Variants in CA2 observed in about 807,000 individuals in gnomAD.
CA2 encodes carbonate dehydratase II.
Under a neutral mutation model 27.8 loss-of-function variants are expected in CA2, and 23 were observed. The ratio of observed to expected loss-of-function variants is 0.83; its 90% CI spans 0.59 to 1.17. The LOEUF (loss-of-function observed/expected upper bound fraction) is 1.17. CA2 is among the 50% of genes most tolerant of loss of function. CA2 has a pLI of 0.00. For missense variants in CA2, 300 were observed against 314.7 expected (o/e 0.95, Z 0.35); for synonymous variants, 99 against 114.9 (o/e 0.86, Z 0.88).
intron 2 of CA2, among the ~76,000 whole-genome samples, chr8:85,471,402 G>A (rs1308411844): frequency 6.8e-6 from 1 of 148,096 alleles, no homozygotes; most frequent in Non-Finnish European, 1.5e-5. Context: ...TTTTTTTAGT[G>A]TTAGCTGTTA....
chr8:85,465,546 T>A, intron 2 of CA2, 77 bp downstream of exon 2: 1 of 1,141,870 alleles, frequency 8.8e-7, no homozygotes, highest in Non-Finnish European at 1.3e-6. Context: ...CCAGGAACAG[T>A]GGCAGGAACC....
chr8:85,480,629 T>C, intron 6 of CA2, 41 bp from the exon 7 acceptor site: 1 of 1,584,940 alleles, frequency 6.3e-7, no homozygotes, highest in Non-Finnish European at 8.7e-7. Flanking sequence ...CTGAATACCA[T>C]TGTGAAACAT....
At chr8:85,465,149 A>C (rs1811607045) in intron 1 of CA2, 123 bp from the exon 2 acceptor site, 3 of 743,688 alleles carry the variant, frequency 4.0e-6, no homozygotes, top group Non-Finnish European at 6.9e-6. Flanking sequence ...AATTTAGCCC[A>C]TTGTTAAGTG....
chr8:85,475,993 A>G (rs1811793770), intron 5 of CA2, 133 bp downstream of exon 5: 1 of 728,396 alleles, frequency 1.4e-6, no homozygotes, highest in Non-Finnish European at 2.5e-6. Context: ...GTAAAGGTAG[A>G]ATATTACTTA....
At chr8:85,475,054 T>C (rs1422608790) in intron 4 of CA2, among the ~76,000 whole-genome samples, 1 of 151,980 alleles carries the variant, frequency 6.6e-6, no homozygotes, top group Non-Finnish European at 1.5e-5. Context: ...AAGCCTGTAA[T>C]CCCAGCACCT....
chr8:85,476,578 A>G (rs1468527581), intron 5 of CA2, among the ~76,000 whole-genome samples: 1 of 152,188 alleles, frequency 6.6e-6, no homozygotes, highest in Non-Finnish European at 1.5e-5. Context: ...CAAACTAATT[A>G]TCTTTAGTTT....
chr8:85,480,763 A>T lies in CA2; in HGVS notation c.757A>T (p.Arg253Trp). ...GCGCCCAGCTCAGCCACTGAAGAAC[A>T]GGCAAATCAAAGCTTCCTTCAAATA... is the stretch of plus-strand genomic sequence containing the variant. The part of the protein sequence containing the change: ...NWRPAQPLKN[R>W]QIKASFK Residue 253 changes from arginine to tryptophan, a missense_variant, in exon 7 of 7, where the codon AGG (arginine) becomes TGG (tryptophan). Arg to Trp is a moderately radical substitution (Grantham distance 101). Coordinates refer to ENST00000285379, the MANE Select transcript of CA2 (RefSeq NM_000067.3). 1 of 1,613,904 alleles carries T rather than the reference A, an allele frequency of 6.2e-7. No individual in the cohort carries two copies. Among genetic ancestry groups the T allele is most frequent in the East Asian group, 2.2e-5 (1 of 44,874 alleles).
Position 85,464,019 on chromosome 8 carries a change from C to T in CA2, c.-63C>T. The T allele has an allele frequency of 6.6e-7, 1 of 1,511,836 alleles. No individual in the cohort carries two copies. Among genetic ancestry groups the T allele is most frequent in the South Asian group, 1.2e-5 (1 of 83,254 alleles). The allele number at this position is 1,511,836 out of a possible 1,614,324, so 93.7% of individuals were successfully genotyped here. On this transcript the variant is annotated 5_prime_UTR_variant, in exon 1 of 7. Coordinates refer to ENST00000285379, the MANE Select transcript of CA2 (RefSeq NM_000067.3). The stretch of plus-strand genomic sequence containing the variant: ...GCGACCCGCGGACACACAGTGCAGG[C>T]GCCCAAGCCGCCGCCGCCAGATCGG...
At chr8:85,467,816 A>G (rs1287577325) in intron 2 of CA2, among the ~76,000 whole-genome samples, 2 of 152,210 alleles carry the variant, frequency 1.3e-5, no homozygotes, top group Non-Finnish European at 2.9e-5. Context: ...ACATTTTTAA[A>G]GAAGTTGGCC....
chr8:85,474,785 A>G, intron 4 of CA2, among the ~76,000 whole-genome samples: 1 of 152,234 alleles, frequency 6.6e-6, no homozygotes, highest in East Asian at 1.9e-4. Flanking sequence ...TTCAGGCAAC[A>G]GTGGGACAGA....
At chr8:85,476,943 T>C (rs1811810087) in intron 5 of CA2, among the ~76,000 whole-genome samples, 177 bp from the exon 6 acceptor site, 2 of 152,168 alleles carry the variant, frequency 1.3e-5, no homozygotes, top group South Asian at 2.1e-4. Context: ...TATTTTCAAG[T>C]TGAATGTCTT....
At chr8:85,478,446 G>T (rs1811839509) in intron 6 of CA2, among the ~76,000 whole-genome samples, 1 of 152,150 alleles carries the variant, frequency 6.6e-6, no homozygotes, top group East Asian at 1.9e-4. Context: ...TCTTTTTGTA[G>T]ATGCAGTGTT....
intron 2 of CA2, among the ~76,000 whole-genome samples, chr8:85,468,799 C>CAT (rs1178328769): frequency 5.3e-5 from 8 of 150,668 alleles, no homozygotes; most frequent in African/African-American, 1.7e-4. Flanking sequence ...CACACACACA[C>CAT]AAAACCATGT....
rs947357194 is a variant in CA2, at chr8:85,464,237, G to A, written c.34+122G>A. On this transcript the variant is annotated intron_variant, in intron 1 of 6. Transcript: ENST00000285379. The stretch of plus-strand genomic sequence containing the variant: ...CGCACATGCTGTTTACCGCGGCCGC[G>A]GGGAGTGCTGGAGGCTCAGGTGCGC... 9 of 919,360 alleles carry A rather than the reference G, an allele frequency of 9.8e-6. No individual in the cohort carries two copies. The African/African-American group carries it at 1.1e-4, about 11-fold the overall frequency. The allele number at this position is 919,360 out of a possible 1,614,324, so 57.0% of individuals were successfully genotyped here.
intron 5 of CA2, 24 bp from the exon 6 acceptor site, chr8:85,477,096 A>G: frequency 6.2e-7 from 1 of 1,613,508 alleles, no homozygotes; most frequent in Non-Finnish European, 8.5e-7. Flanking sequence ...GATAGTTTGA[A>G]GCTGCGTATT....
At position 85,464,091 on chromosome 8, in the gene CA2, C is replaced by G. The variant is rs1241095682; in HGVS notation, c.10C>G (p.His4Asp). The G allele has an allele frequency of 1.9e-6, 3 of 1,548,946 alleles. No individual in the cohort carries two copies. The highest frequency in any genetic ancestry group is 2.6e-6 in the Non-Finnish European group (3 of 1,149,636). ...GACCGCCAGCGCGACCATGTCCCAT[C>G]ACTGGGGGTACGGCAAACACAACGG... MSH[H>D]WGYGKHNGPE... The change falls in exon 1 of 7, where the codon CAC becomes GAC. Residue 4 changes from histidine to aspartate, a missense_variant. By Grantham distance (81) the His-to-Asp change is moderately conservative. This residue lies in a region of CA2 where 122 missense variants were observed against 133.2 expected (regional missense o/e 0.92). Coordinates refer to ENST00000285379, the MANE Select transcript of CA2 (RefSeq NM_000067.3).
chr8:85,465,289 A>C lies in CA2; in HGVS notation c.52A>C (p.Lys18Gln), dbSNP rs118203931. 2.4e-4 allele frequency: 391 copies of C among 1,614,032 alleles called. 7 individuals carry two copies. The South Asian group carries it at 4.1e-3, about 17-fold the overall frequency. Residue 18 changes from lysine to glutamine, a missense_variant, in exon 2 of 7, where the codon AAG becomes CAG. Lys to Gln is a moderately conservative substitution (Grantham distance 53). Transcript: ENST00000285379. ...TCCCCCAGGACCTGAGCACTGGCAT[A>C]AGGACTTCCCCATTGCCAAGGGAGA... Reference protein sequence around the residue: ...GKHNGPEHWHKDFPIAKGERQ... With the variant: ...GKHNGPEHWHQDFPIAKGERQ...
At chr8:85,468,184 G>A (rs1383739605) in intron 2 of CA2, among the ~76,000 whole-genome samples, 1 of 152,220 alleles carries the variant, frequency 6.6e-6, no homozygotes, top group Non-Finnish European at 1.5e-5. Flanking sequence ...GGCTTATGTG[G>A]AGGCTTGAAG....
At chr8:85,479,353 G>A (rs1033553076) in intron 6 of CA2, among the ~76,000 whole-genome samples, 2 of 152,174 alleles carry the variant, frequency 1.3e-5, no homozygotes, top group Admixed American at 6.6e-5. Context: ...CTGTTGTAAC[G>A]AATCAACCCT....
Sources: gnomAD v4.1 joint callset for allele counts (sites outside exome capture counted in the v4.1 genomes callset) on GRCh38, gnomAD v4.1.1 for gene constraint, gnomAD v4.1.1 regional missense constraint, MANE v1.5 for transcripts, NCBI Gene and HGNC (gene_info 2026-07-23, HGNC 2026-07-21) for gene names.